SLC9A9: variants seen among roughly 807,000 people sequenced by gnomAD.
SLC9A9 encodes the protein solute carrier family 9 member A9.
Under a neutral mutation model 77.8 loss-of-function variants are expected in SLC9A9, and 62 were observed. The ratio of observed to expected loss-of-function variants is 0.80; its 90% confidence interval spans 0.65 to 0.98. SLC9A9 has a LOEUF of 0.98. SLC9A9 is among the 50% of genes least tolerant of loss of function. The pLI, the probability that SLC9A9 is intolerant of heterozygous loss-of-function variation, is 0.00. For synonymous variants in SLC9A9, 320 were observed against 283.5 expected, an observed-to-expected ratio of 1.13 and a Z score of -1.29; for missense variants, 775 against 774.9, an observed-to-expected ratio of 1.00 and a Z score of 0.00.
At chr3:143,451,687 C>T (rs2035011017) in intron 12 of SLC9A9, among the ~76,000 whole-genome samples, 1 of 151,966 alleles carries the variant, frequency 6.6e-6, no homozygotes, top group Non-Finnish European at 1.5e-5. Flanking sequence ...AAGGACTTTT[C>T]TATATTGCTT....
At chr3:143,710,157 C>T (rs1057253954) in intron 4 of SLC9A9, among the ~76,000 whole-genome samples, 2 of 152,148 alleles carry the variant, frequency 1.3e-5, no homozygotes, top group African/African-American at 2.4e-5. Flanking sequence ...GGTGTGTGTG[C>T]ATGTGTATAA....
chr3:143,837,632 T>G (rs2009602045), intron 1 of SLC9A9, among the ~76,000 whole-genome samples: 1 of 152,236 alleles, frequency 6.6e-6, no homozygotes, highest in South Asian at 2.1e-4. Context: ...CTGGTTTATT[T>G]GCTGTCCACC....
At chr3:143,517,017 T>A (rs1576548446) in intron 9 of SLC9A9, 1 of 713,380 alleles carries the variant, frequency 1.4e-6, no homozygotes, top group East Asian at 2.5e-5. Context: ...TTGAGCAATT[T>A]CTGTTTATTG....
chr3:143,785,909 T>C (rs1002742752), intron 4 of SLC9A9, among the ~76,000 whole-genome samples: 7 of 142,916 alleles, frequency 4.9e-5, no homozygotes, highest in African/African-American at 1.5e-4. Flanking sequence ...CAGGCTGGAG[T>C]GCAGTGGCGC....
chr3:143,372,714 C>G (rs182057297), intron 13 of SLC9A9, among the ~76,000 whole-genome samples: 1 of 152,086 alleles, frequency 6.6e-6, no homozygotes, highest in African/African-American at 2.4e-5. Flanking sequence ...ATGCATCTGA[C>G]GAGAAACTAG....
intron 12 of SLC9A9, among the ~76,000 whole-genome samples, chr3:143,390,514 C>T (rs2033533953): frequency 6.6e-6 from 1 of 152,162 alleles, no homozygotes; most frequent in Admixed American, 6.5e-5. Flanking sequence ...TCTACAGCTC[C>T]CAGCATGAGC....
At chr3:143,334,114 A>G (rs1321767164) in intron 14 of SLC9A9, among the ~76,000 whole-genome samples, 1 of 152,216 alleles carries the variant, frequency 6.6e-6, no homozygotes, top group Admixed American at 6.5e-5. Context: ...ATCAATTGGA[A>G]TTCTTGTTGT....
intron 11 of SLC9A9, among the ~76,000 whole-genome samples, chr3:143,469,069 A>G (rs1297498982): frequency 6.6e-6 from 1 of 152,358 alleles, no homozygotes; most frequent in Admixed American, 6.5e-5. Context: ...CTGAAGCAGG[A>G]GAATTGCTTG....
chr3:143,383,879 G>A (rs2033359475), intron 12 of SLC9A9, among the ~76,000 whole-genome samples: 1 of 152,186 alleles, frequency 6.6e-6, no homozygotes, highest in Admixed American at 6.5e-5. Flanking sequence ...TCAAGCAAAT[G>A]TGTAACTCCT....
intron 14 of SLC9A9, among the ~76,000 whole-genome samples, chr3:143,283,871 A>G (rs765082999): frequency 2.0e-5 from 3 of 152,202 alleles, no homozygotes; most frequent in East Asian, 1.9e-4. Flanking sequence ...TGTACTTTCT[A>G]TTAAAACCAC....
At position 143,644,574 on chromosome 3, in the gene SLC9A9, G is replaced by T. The variant is rs181503705; in HGVS notation, c.755+7681C>A. Among the ~76,000 whole-genome samples, 53 of 152,228 alleles carry T rather than the reference G, an allele frequency of 3.5e-4. 1 individual carries two copies. In the Middle Eastern group the frequency reaches 0.01, roughly 29 times the overall value. On this transcript the variant is annotated intron_variant, in intron 6 of 15. Transcript: ENST00000316549. Reference sequence around the variant, plus strand: ...AAACAAGACAGCAGCAGCAGGCAGGGGTGTGGGCAGCACACCGAGCACACA... The same window carrying T: ...AAACAAGACAGCAGCAGCAGGCAGGTGTGTGGGCAGCACACCGAGCACACA...
chr3:143,612,891 A>G (rs1447041698), intron 6 of SLC9A9, among the ~76,000 whole-genome samples: 1 of 152,230 alleles, frequency 6.6e-6, no homozygotes, highest in East Asian at 1.9e-4. Context: ...AACCTGAAGC[A>G]CTTTAAGAAC....
At chr3:143,291,995 C>G (rs944402818) in intron 14 of SLC9A9, among the ~76,000 whole-genome samples, 2 of 152,184 alleles carry the variant, frequency 1.3e-5, no homozygotes, top group African/African-American at 4.8e-5. Context: ...GAGGAATCCC[C>G]CATATAGCCC....
Position 143,312,781 on chromosome 3 carries a change from C to T in SLC9A9, c.1605-43801G>A, listed in dbSNP as rs146410100. 4.7e-3 allele frequency among the ~76,000 whole-genome samples: 718 copies of T among 152,282 alleles called. 5 individuals are homozygous for T. Among genetic ancestry groups the T allele is most frequent in the African/African-American group, 9.5e-3 (394 of 41,568 alleles). On this transcript the variant is annotated intron_variant, in intron 14 of 15. Transcript: ENST00000316549. Reference sequence around the variant, plus strand: ...CTAATCATGTCAGTCATTTGAGGACCGAAGTCATCCCCAGGTTTTGTCTCT... The same window carrying T: ...CTAATCATGTCAGTCATTTGAGGACTGAAGTCATCCCCAGGTTTTGTCTCT...
intron 8 of SLC9A9, among the ~76,000 whole-genome samples, chr3:143,559,830 A>T (rs1486655803): frequency 6.6e-6 from 1 of 152,192 alleles, no homozygotes; most frequent in African/African-American, 2.4e-5. Flanking sequence ...GATATTTTTA[A>T]ATCTCTAGAA....
At chr3:143,691,422 G>C (rs1370996067) in intron 5 of SLC9A9, among the ~76,000 whole-genome samples, 1 of 152,044 alleles carries the variant, frequency 6.6e-6, no homozygotes, top group Non-Finnish European at 1.5e-5. Context: ...CCACATTCGA[G>C]AGCTGGCCTG....
chr3:143,405,582 G>A (rs937790323), intron 12 of SLC9A9, among the ~76,000 whole-genome samples: 2 of 152,132 alleles, frequency 1.3e-5, no homozygotes, highest in African/African-American at 4.8e-5. Context: ...TGCTGCATGT[G>A]GGATAGAACC....
At chr3:143,533,618 A>G (rs2036547926) in intron 9 of SLC9A9, among the ~76,000 whole-genome samples, 1 of 152,212 alleles carries the variant, frequency 6.6e-6, no homozygotes, top group Non-Finnish European at 1.5e-5. Context: ...ATAACCATAA[A>G]AAAACCCTAC....
chr3:143,575,463 T>C (rs557915978), intron 7 of SLC9A9, among the ~76,000 whole-genome samples: 1 of 152,326 alleles, frequency 6.6e-6, no homozygotes, highest in African/African-American at 2.4e-5. Context: ...GTGCCTGGCA[T>C]GTAACAAGTG....
Sources: allele counts gnomAD v4.1 joint callset (sites outside exome capture counted in the v4.1 genomes callset), GRCh38; gene constraint gnomAD v4.1.1; transcripts MANE v1.5; gene names NCBI Gene and HGNC (gene_info 2026-07-23, HGNC 2026-07-21).